DIAPH2: variants seen among roughly 807,000 people sequenced by gnomAD.
DIAPH2 encodes protein diaphanous homolog 2.
In DIAPH2, 35 loss-of-function variants were observed where a neutral mutation model predicts 92.7. That is an observed-to-expected ratio of 0.38 (90% CI 0.29 to 0.50). The LOEUF (loss-of-function observed/expected upper bound fraction) is 0.50. Ranked by LOEUF, DIAPH2 falls within the 20% of genes least tolerant of loss-of-function variation. DIAPH2 has a pLI of 0.94. For missense variants in DIAPH2, 701 were observed against 819.5 expected (o/e 0.86, Z 1.77); for synonymous variants, 301 against 280.4 (o/e 1.07, Z -0.73).
In DIAPH2 at chrX:96,994,625, A is replaced by G. The variant is rs2066092894; in HGVS notation, c.2050+29418A>G. On this transcript the variant is annotated intron_variant, in intron 17 of 26. Coordinates refer to ENST00000324765, the MANE Select transcript of DIAPH2 (RefSeq NM_006729.5). ...ATAAGGAAATACATGAGACAGGGTA[A>G]TTTATAAAGGAAAGAGGTTTAATTG... Among the ~76,000 whole-genome samples, 3 of 111,558 alleles carry G rather than the reference A, an allele frequency of 2.7e-5. No individual in the cohort carries two copies. In the South Asian group the frequency reaches 1.1e-3, roughly 42 times the overall value.
intron 22 of DIAPH2, among the ~76,000 whole-genome samples, chrX:97,214,281 C>A (rs1484427242): frequency 3.6e-5 from 4 of 111,076 alleles, no homozygotes; most frequent in African/African-American, 1.3e-4. Flanking sequence ...TTTGTTTTAT[C>A]TGTGTGTGCA....
At chrX:97,560,600 C>T (rs1246883257) in intron 26 of DIAPH2, among the ~76,000 whole-genome samples, 1 of 111,671 alleles carries the variant, frequency 9.0e-6, no homozygotes, top group African/African-American at 3.3e-5. Context: ...ACAAGCTATT[C>T]TCCTGCCTCA....
intron 4 of DIAPH2, among the ~76,000 whole-genome samples, chrX:96,866,781 G>A (rs2065107252): frequency 8.9e-6 from 1 of 111,940 alleles, no homozygotes; most frequent in Non-Finnish European, 1.9e-5. Context: ...TACTTTGGGT[G>A]TAGAAAAAAG....
intron 4 of DIAPH2, among the ~76,000 whole-genome samples, chrX:96,802,995 G>T (rs941744497): frequency 3.6e-5 from 4 of 111,257 alleles, no homozygotes; most frequent in East Asian, 2.8e-4. Flanking sequence ...GGACGACTCC[G>T]CCAGTCTACT....
chrX:96,928,981 T>C (rs1458426073), intron 9 of DIAPH2, among the ~76,000 whole-genome samples: 1 of 111,873 alleles, frequency 8.9e-6, no homozygotes, highest in Non-Finnish European at 1.9e-5. Context: ...ACTCATTAAC[T>C]TGTTTCTTAC....
At chrX:97,245,324 A>G (rs983253095) in intron 22 of DIAPH2, among the ~76,000 whole-genome samples, 1 of 109,025 alleles carries the variant, frequency 9.2e-6, no homozygotes, top group Non-Finnish European at 1.9e-5. Flanking sequence ...TTATTTATTT[A>G]TTTATTTAAG....
chrX:97,223,364 GT>G (rs763214879), intron 22 of DIAPH2, among the ~76,000 whole-genome samples: 1 of 110,800 alleles, frequency 9.0e-6, no homozygotes, highest in South Asian at 3.8e-4. Flanking sequence ...TGTTTTTCAT[GT>G]TTTTTCAAAT....
chrX:97,468,058 C>G (rs1203739944), intron 26 of DIAPH2, among the ~76,000 whole-genome samples: 2 of 111,756 alleles, frequency 1.8e-5, no homozygotes, highest in Non-Finnish European at 3.8e-5. Flanking sequence ...TCAATCAGAC[C>G]AAGCTGTCAG....
chrX:97,539,896 A>G (rs1423411372), intron 26 of DIAPH2, among the ~76,000 whole-genome samples: 5 of 112,069 alleles, frequency 4.5e-5, no homozygotes, highest in African/African-American at 6.5e-5. Flanking sequence ...TGTCCCCACC[A>G]TGTTATAAGG....
intron 17 of DIAPH2, among the ~76,000 whole-genome samples, chrX:97,060,238 C>G: frequency 8.9e-6 from 1 of 112,145 alleles, no homozygotes; most frequent in Non-Finnish European, 1.9e-5. Context: ...GAAGTAAAGG[C>G]CAGCCTAATG....
At chrX:97,213,442 T>C (rs1460289085) in intron 22 of DIAPH2, among the ~76,000 whole-genome samples, 1 of 111,845 alleles carries the variant, frequency 8.9e-6, no homozygotes, top group Non-Finnish European at 1.9e-5. Flanking sequence ...TGTCACATTT[T>C]GGGTTAATAT....
intron 25 of DIAPH2, among the ~76,000 whole-genome samples, chrX:97,428,855 C>T (rs764724384): frequency 4.4e-4 from 49 of 111,897 alleles, no homozygotes; most frequent in Non-Finnish European, 8.3e-4. Flanking sequence ...GACAAACACT[C>T]TAACAAATCT....
intron 23 of DIAPH2, among the ~76,000 whole-genome samples, chrX:97,336,014 T>C (rs1302909023): frequency 2.7e-5 from 3 of 110,738 alleles, no homozygotes; most frequent in Non-Finnish European, 5.7e-5. Flanking sequence ...TAGGCCTTTT[T>C]CATCTTCTTT....
intron 24 of DIAPH2, among the ~76,000 whole-genome samples, chrX:97,361,968 C>T (rs776939404): frequency 1.5e-4 from 17 of 111,973 alleles, no homozygotes; most frequent in African/African-American, 3.6e-4. Context: ...TGGCAGCGCG[C>T]GGTGGCTCAC....
At chrX:96,772,732 G>C (rs1031474764) in intron 4 of DIAPH2, among the ~76,000 whole-genome samples, 2 of 111,988 alleles carry the variant, frequency 1.8e-5, no homozygotes, top group Non-Finnish European at 3.8e-5. Context: ...AACTTTAACA[G>C]CATCAAAGAT....
At chrX:96,891,726 C>T (rs1311937945) in intron 5 of DIAPH2, among the ~76,000 whole-genome samples, 6 of 111,884 alleles carry the variant, frequency 5.4e-5, no homozygotes, top group Non-Finnish European at 1.1e-4. Flanking sequence ...AGAGTTGTTG[C>T]TGAAATTGCC....
intron 21 of DIAPH2, among the ~76,000 whole-genome samples, chrX:97,118,757 T>C (rs892778256): frequency 2.7e-5 from 3 of 111,764 alleles, no homozygotes; most frequent in African/African-American, 6.5e-5. Context: ...TGCTGGTAAA[T>C]TGAAAAAGAA....
chrX:96,813,133 C>G (rs1035382876), intron 4 of DIAPH2, among the ~76,000 whole-genome samples: 1 of 110,697 alleles, frequency 9.0e-6, no homozygotes, highest in African/African-American at 3.3e-5. Flanking sequence ...TTAAAATATC[C>G]CATTATTATT....
At chrX:97,387,696 G>A (rs1354912799) in intron 25 of DIAPH2, among the ~76,000 whole-genome samples, 2 of 111,789 alleles carry the variant, frequency 1.8e-5, no homozygotes, top group Non-Finnish European at 3.8e-5. Flanking sequence ...CCAAATATCT[G>A]GACATTGTGG....
Sources: allele counts gnomAD v4.1 joint callset (sites outside exome capture counted in the v4.1 genomes callset), GRCh38; gene constraint gnomAD v4.1.1; transcripts MANE v1.5; gene names NCBI Gene and HGNC (gene_info 2026-07-23, HGNC 2026-07-21).